The following SLC6A18 variants were observed in gnomAD, a reference collection of about 807,000 sequenced individuals.
SLC6A18 encodes solute carrier family 6 member 18.
Under a neutral mutation model 62.9 loss-of-function variants are expected in SLC6A18, and 58 were observed. The observed-to-expected ratio is 0.92, with a 90% confidence interval of 0.75 to 1.15. The LOEUF (loss-of-function observed/expected upper bound fraction) is 1.15, where lower values mean the gene tolerates loss of function less well. Ranked by LOEUF, SLC6A18 falls within the 50% of genes most tolerant of loss-of-function variation. SLC6A18 has a pLI of 0.00. For synonymous variants in SLC6A18, 382 were observed against 365.8 expected, an observed-to-expected ratio of 1.04 and a Z score of -0.51; for missense variants, 793 against 836.6, an observed-to-expected ratio of 0.95 and a Z score of 0.64.
At chr5:1,226,002 A>T (rs7725464) in intron 1 of SLC6A18, among the ~76,000 whole-genome samples, 138,613 of 152,304 alleles carry the variant, frequency 0.91, 63,507 homozygotes, top group Non-Finnish European at 0.95. Flanking sequence ...TCAGTTCTTT[A>T]AAGAACACAC....
chr5:1,245,766 T>C (rs1428164808), intron 11 of SLC6A18, 82 bp from the exon 12 acceptor site: 4 of 1,417,066 alleles, frequency 2.8e-6, no homozygotes, highest in East Asian at 5.0e-5. Context: ...AGGTGGCTCT[T>C]GCCCCTTGGA....
chr5:1,244,268 G>A lies in SLC6A18; in HGVS notation c.1391G>A (p.Gly464Glu), dbSNP rs2126543110. 6.2e-7 allele frequency: 1 copy of A among 1,614,010 alleles called. No homozygotes were observed. The highest frequency in any genetic ancestry group is 8.5e-7 in the Non-Finnish European group (1 of 1,180,014). ...LSATCFTLQS[G>E]NYWLEIFDNF... ...GCCACCTGCTTCACGCTGCAGTCTG[G>A]GAACTACTGGCTGGAGATTTTCGAC... The change falls in exon 10 of 12, where the codon GGG (glycine) becomes GAG (glutamate). Residue 464 changes from glycine to glutamate, a missense_variant. Transcript: ENST00000324642.
Position 1,246,037 on chromosome 5 carries a change from C to A in SLC6A18, c.1846C>A (p.Arg616Ser). 6.3e-7 allele frequency: 1 copy of A among 1,593,198 alleles called. No individual in the cohort carries two copies. The change falls in exon 12 of 12, where the codon CGC (arginine) becomes AGC (serine). Residue 616 changes from arginine (R) to serine (S), a missense_variant. Physicochemically the swap from Arg to Ser is moderately radical, Grantham distance 110. Coordinates refer to ENST00000324642, the MANE Select transcript of SLC6A18 (RefSeq NM_182632.3). ...DTDMRPDTDT[R>S]PDTDMRPDTD... ...GGACATGCGCCCGGACACGGACACG[C>A]GCCCAGACACGGACATGCGCCCGGA...
intron 1 of SLC6A18, among the ~76,000 whole-genome samples, chr5:1,226,488 G>T (rs947247547): frequency 6.6e-6 from 1 of 152,234 alleles, no homozygotes; most frequent in African/African-American, 2.4e-5. Context: ...CGGGCCCTCA[G>T]CTCCTTCCCT....
intron 2 of SLC6A18, 116 bp downstream of exon 2, chr5:1,232,475 C>A: frequency 1.4e-6 from 2 of 1,394,204 alleles, no homozygotes; most frequent in African/African-American, 1.4e-5. Flanking sequence ...CAGGCCAGGC[C>A]GGCGGGTGGG....
chr5:1,240,511 G>A lies in SLC6A18; in HGVS notation c.846-20G>A, dbSNP rs778837090. 2 of 1,613,770 alleles carry A rather than the reference G, an allele frequency of 1.2e-6. No homozygotes were observed. The highest frequency in any genetic ancestry group is 1.1e-5 in the South Asian group (1 of 91,030). ...AGTTACCTCCTGCAAAGCCTGTGAT[G>A]AGCGTGCGTTTGTGCCCAGGAATGA... On this transcript the variant is annotated intron_variant, in intron 6 of 11. Transcript: ENST00000324642.
At chr5:1,233,952 A>G (rs376157838) in intron 3 of SLC6A18, among the ~76,000 whole-genome samples, 3,377 of 152,154 alleles carry the variant, frequency 0.022, 49 homozygotes, top group South Asian at 0.034. Context: ...CATGTTAGCC[A>G]GGATGGTCTC....
rs752194899 is a variant in SLC6A18, at chr5:1,237,942, G to A, written c.622-8G>A. On this transcript the variant is annotated splice_region_variant and splice_polypyrimidine_tract_variant and intron_variant, in intron 4 of 11. Coordinates refer to ENST00000324642, the MANE Select transcript of SLC6A18 (RefSeq NM_182632.3). ...TTCAAGTCTCATGACTCCACCTTTT[G>A]TTTCAAGGTGATTTACTTCACAGCT... 1.2e-6 allele frequency: 2 copies of A among 1,607,608 alleles called. No individual in the cohort carries two copies. The highest frequency in any genetic ancestry group is 1.7e-6 in the Non-Finnish European group (2 of 1,174,098).
intron 1 of SLC6A18, among the ~76,000 whole-genome samples, chr5:1,226,943 T>A (rs1296321519): frequency 7.7e-6 from 1 of 130,284 alleles, no homozygotes; most frequent in Non-Finnish European, 1.7e-5. Flanking sequence ...CCTTTCCTGC[T>A]GATGCCTTGC....
intron 2 of SLC6A18, among the ~76,000 whole-genome samples, 196 bp downstream of exon 2, chr5:1,232,555 G>A (rs1181182309): frequency 1.3e-5 from 2 of 152,234 alleles, no homozygotes; most frequent in East Asian, 3.8e-4. Flanking sequence ...TGGAGAACAT[G>A]TGTGCCAGGA....
chr5:1,228,981 G>A (rs1021495247), intron 1 of SLC6A18, among the ~76,000 whole-genome samples: 2 of 152,194 alleles, frequency 1.3e-5, no homozygotes, highest in Admixed American at 6.5e-5. Flanking sequence ...CTCTTCCTGC[G>A]CATTCAACGT....
intron 4 of SLC6A18, among the ~76,000 whole-genome samples, chr5:1,236,438 C>G (rs1009173556): frequency 6.6e-6 from 1 of 152,090 alleles, no homozygotes. Context: ...TTTAAACAAG[C>G]GATTATCTTT....
Position 1,244,751 on chromosome 5 carries a change from C to T in SLC6A18, c.1640C>T (p.Ala547Val), listed in dbSNP as rs755523816. 6 of 1,607,510 alleles carry T rather than the reference C, an allele frequency of 3.7e-6. No homozygotes were observed. Among genetic ancestry groups the T allele is most frequent in the Non-Finnish European group, 4.3e-6 (5 of 1,174,924 alleles). Residue 547 changes from alanine (A) to valine (V), a missense_variant, in exon 11 of 12, where the codon GCC (alanine) becomes GTC (valine). By Grantham distance (64) the Ala-to-Val change is moderately conservative (BLOSUM62 0). Transcript: ENST00000324642. ...TTCTGGAAGCCACTGAGATACAAGG[C>T]CTGGAACCCCAAATACGTAGGTCCT... ...LLFWKPLRYKAWNPKYELFPS... is the reference protein window; with the variant it reads ...LLFWKPLRYKVWNPKYELFPS...
chr5:1,226,934 C>T (rs1677766337), intron 1 of SLC6A18, among the ~76,000 whole-genome samples: 1 of 151,520 alleles, frequency 6.6e-6, no homozygotes, highest in Admixed American at 6.6e-5. Context: ...CCACCGATGC[C>T]TTTCCTGCTG....
intron 2 of SLC6A18, among the ~76,000 whole-genome samples, 195 bp downstream of exon 2, chr5:1,232,554 T>C (rs571615761): frequency 8.1e-4 from 123 of 152,260 alleles, no homozygotes; most frequent in African/African-American, 2.6e-3. Context: ...ATGGAGAACA[T>C]GTGTGCCAGG....
intron 11 of SLC6A18, 87 bp from the exon 12 acceptor site, chr5:1,245,761 G>A: frequency 7.3e-7 from 1 of 1,370,102 alleles, no homozygotes; most frequent in Non-Finnish European, 9.7e-7. Flanking sequence ...TGGGCAGGTG[G>A]CTCTTGCCCC....
intron 1 of SLC6A18, 32 bp from the exon 2 acceptor site, chr5:1,232,187 C>G (rs766160606): frequency 6.3e-7 from 1 of 1,598,718 alleles, no homozygotes; most frequent in South Asian, 1.1e-5. Flanking sequence ...GCCCCCGACC[C>G]TGGGCAGGTG....
rs151263479 is a variant in SLC6A18 at position 1,243,563 on chromosome 5, G to A, written c.1140G>A (p.Ser380=). The change falls in exon 9 of 12, where the codon TCG becomes TCA. Residue 380 remains serine, a synonymous_variant. Coordinates refer to ENST00000324642, the MANE Select transcript of SLC6A18 (RefSeq NM_182632.3). This position sits in a 1 kb window ranked among gnomAD's most constrained non-coding sequence, Gnocchi z 6.5. ...GGCTCCGTGTATTGCAGAGTGCCTC[G>A]GGCCCGGGCCTGGCCTTCGTCGTCT... ...LLEDFLDKSA[S]GPGLAFVVFT... is the part of the protein sequence containing the mutation. The A allele has an allele frequency of 3.6e-5, 58 of 1,613,502 alleles. No homozygotes were observed. Among genetic ancestry groups the A allele is most frequent in the East Asian group, 6.7e-5 (3 of 44,876 alleles).
intron 1 of SLC6A18, among the ~76,000 whole-genome samples, chr5:1,230,156 GT>G (rs1746691744): frequency 7.7e-6 from 1 of 129,082 alleles, no homozygotes; most frequent in Non-Finnish European, 1.8e-5. Flanking sequence ...GTGCAGGCTG[GT>G]CGTGGGGGAG....
Sources: gnomAD v4.1 joint callset for allele counts (sites outside exome capture counted in the v4.1 genomes callset) on GRCh38, gnomAD v4.1.1 for gene constraint, Gnocchi (gnomAD v3.1) non-coding constraint, MANE v1.5 for transcripts, NCBI Gene and HGNC (gene_info 2026-07-23, HGNC 2026-07-21) for gene names.